ZNF462: variants seen among roughly 807,000 people sequenced by gnomAD.
The protein encoded by ZNF462 is zinc finger protein 462, also known as zinc finger PBX1-interacting protein.
Under a neutral mutation model 201.9 loss-of-function variants are expected in ZNF462, and 10 were observed. The observed-to-expected ratio is 0.05, with a 90% CI of 0.03 to 0.08. ZNF462 has a LOEUF of 0.08. Ranked by LOEUF, ZNF462 falls within the 10% of genes least tolerant of loss-of-function variation. The pLI, the probability that ZNF462 is intolerant of heterozygous loss-of-function variation, is 1.00. For synonymous variants in ZNF462, 1,227 were observed against 1,193.3 expected, an observed-to-expected ratio of 1.03 and a Z score of -0.58; for missense variants, 2,523 against 3,168.3, an observed-to-expected ratio of 0.80 and a Z score of 4.89.
chr9:106,972,000 C>T lies in ZNF462; in HGVS notation c.6428-5C>T, dbSNP rs747840450. 1.3e-5 allele frequency: 21 copies of T among 1,612,104 alleles called. No individual in the cohort carries two copies. Among genetic ancestry groups the T allele is most frequent in the Non-Finnish European group, 1.7e-5 (20 of 1,178,704 alleles). On this transcript the variant is annotated splice_region_variant and splice_polypyrimidine_tract_variant and intron_variant, in intron 7 of 12. Transcript: ENST00000277225. ...CCCCGTGTCATTTTTCCCGTCTCTT[C>T]ACAGACTCATCATATTCAGAGCCCC...
In ZNF462 at chr9:107,005,762, C is replaced by T. The variant is rs1042510039; in HGVS notation, c.7189+2336C>T. On this transcript the variant is annotated intron_variant, in intron 11 of 12. Transcript: ENST00000277225. This position sits in a 1 kb window ranked among gnomAD's most constrained non-coding sequence, Gnocchi z 4.4. ...ATATCCAAAAAATCATTGCCCAGAC[C>T]AATGTCATGGAGCTTTTCCCCTTTG... is the stretch of plus-strand genomic sequence containing the variant. Among the ~76,000 whole-genome samples, 4 of 152,160 alleles carry T rather than the reference C, an allele frequency of 2.6e-5. No individual in the cohort carries two copies. Among genetic ancestry groups the T allele is most frequent in the Non-Finnish European group, 1.5e-5 (1 of 68,022 alleles).
At chr9:106,983,104 GA>G in intron 9 of ZNF462, among the ~76,000 whole-genome samples, 1 of 152,344 alleles carries the variant, frequency 6.6e-6, no homozygotes, top group South Asian at 2.1e-4. Flanking sequence ...AAATAGCACA[GA>G]TTTTAATTTT....
At chr9:106,892,390 A>G (rs1376696038) in intron 1 of ZNF462, among the ~76,000 whole-genome samples, 1 of 152,186 alleles carries the variant, frequency 6.6e-6, no homozygotes, top group Non-Finnish European at 1.5e-5. Context: ...TTTAGGCATC[A>G]TCAAACTTGT....
In ZNF462 at chr9:106,932,653, T is replaced by C; in HGVS notation, c.6116+104T>C. 2.8e-6 allele frequency: 4 copies of C among 1,430,364 alleles called. No homozygotes were observed. In the East Asian group the frequency reaches 7.2e-5, roughly 26 times the overall value. The allele number at this position is 1,430,364 out of a possible 1,614,324, so 88.6% of individuals were successfully genotyped here. ...TGGATGAGTAAGAAGGCCCCACTCATGGTTCACACCTGCTGCTATGTTACC... is the reference window on the plus strand; with the variant it reads ...TGGATGAGTAAGAAGGCCCCACTCACGGTTCACACCTGCTGCTATGTTACC... On this transcript the variant is annotated intron_variant, in intron 5 of 12. Coordinates refer to ENST00000277225, the MANE Select transcript of ZNF462 (RefSeq NM_021224.6). This position sits in a 1 kb window ranked among gnomAD's most constrained non-coding sequence, Gnocchi z 6.8.
chr9:106,938,953 C>T lies in ZNF462; in HGVS notation c.6273C>T (p.Ser2091=). 6.2e-7 allele frequency: 1 copy of T among 1,613,028 alleles called. No homozygotes were observed. Among genetic ancestry groups the T allele is most frequent in the Non-Finnish European group, 8.5e-7 (1 of 1,179,504 alleles). ...ACAAGTGTTCTTGGTGCTCATTCTCCACCATGACAATCAGCCAGCTGAAGG... is the reference window on the plus strand; with the variant it reads ...ACAAGTGTTCTTGGTGCTCATTCTCTACCATGACAATCAGCCAGCTGAAGG... The part of the protein sequence containing the change: ...HAYKCSWCSF[S]TMTISQLKEH... Residue 2091 remains serine (S), a synonymous_variant, in exon 7 of 13, where the codon TCC becomes TCT. Transcript: ENST00000277225. This position sits in a 1 kb window ranked among gnomAD's most constrained non-coding sequence, Gnocchi z 4.4.
At chr9:106,936,274 A>G (rs1484143430) in intron 6 of ZNF462, among the ~76,000 whole-genome samples, 2 of 152,122 alleles carry the variant, frequency 1.3e-5, no homozygotes, top group Admixed American at 6.5e-5. Flanking sequence ...CAGGCTGTGC[A>G]CTAGGCGTGT....
chr9:106,928,133 C>T lies in ZNF462; in HGVS notation c.4221C>T (p.Ile1407=). ...NGDESVLLDI[I]KEKDAVEKPI... ...ATGAGTCAGTGCTACTGGACATCAT[C>T]AAGGAGAAAGATGCTGTGGAGAAGC... Residue 1407 remains isoleucine, a synonymous_variant, in exon 3 of 13, where the codon ATC becomes ATT. Transcript: ENST00000277225. This position sits in a 1 kb window ranked among gnomAD's most constrained non-coding sequence, Gnocchi z 9.3. 1 of 1,614,196 alleles carries T rather than the reference C, an allele frequency of 6.2e-7. No homozygotes were observed. Among genetic ancestry groups the T allele is most frequent in the Non-Finnish European group, 8.5e-7 (1 of 1,180,042 alleles).
chr9:106,879,339 C>A (rs530884249), intron 1 of ZNF462, among the ~76,000 whole-genome samples: 92 of 108,828 alleles, frequency 8.5e-4, no homozygotes, highest in East Asian at 5.7e-3. Flanking sequence ...TCCACCCCCC[C>A]CCCCACCCCC....
At chr9:106,875,211 G>A (rs1358151285) in intron 1 of ZNF462, among the ~76,000 whole-genome samples, 2 of 152,086 alleles carry the variant, frequency 1.3e-5, no homozygotes, top group African/African-American at 4.8e-5. Context: ...TTAGTAGAAA[G>A]GTCGTGGCAA....
rs973043232 is a variant in ZNF462 at position 106,865,067 on chromosome 9, AC to A, written c.-31+1714del. Among the ~76,000 whole-genome samples the A allele has an allele frequency of 9.9e-5, 15 of 152,146 alleles. No individual in the cohort carries two copies. The highest frequency in any genetic ancestry group is 3.4e-4 in the African/African-American group (14 of 41,504). ...ACTCCTTCTCTCTTTCCAGAGGGAA[AC>A]CTTGTGGTGGTTCCTCACTGTCTAT... On this transcript the variant is annotated intron_variant, in intron 1 of 12. Coordinates refer to ENST00000277225, the MANE Select transcript of ZNF462 (RefSeq NM_021224.6). This position sits in a 1 kb window ranked among gnomAD's most constrained non-coding sequence, Gnocchi z 4.1.
At chr9:107,004,259 T>G (rs1276392156) in intron 11 of ZNF462, among the ~76,000 whole-genome samples, 1 of 152,182 alleles carries the variant, frequency 6.6e-6, no homozygotes, top group Non-Finnish European at 1.5e-5. Context: ...AAATCAACAT[T>G]GCAGATATTG....
At chr9:106,874,433 C>T (rs754780457) in intron 1 of ZNF462, among the ~76,000 whole-genome samples, 53 of 152,164 alleles carry the variant, frequency 3.5e-4, no homozygotes, top group Admixed American at 1.0e-3. Context: ...GTCAACATAT[C>T]TTTGTGGATA....
chr9:106,862,309 G>GT (rs1403420123), upstream of ZNF462, among the ~76,000 whole-genome samples: 1 of 152,174 alleles, frequency 6.6e-6, no homozygotes, highest in Non-Finnish European at 1.5e-5. This position sits in a 1 kb window ranked among gnomAD's most constrained non-coding sequence, Gnocchi z 4.2. Flanking sequence ...ATGGATGCAA[G>GT]TAAGGGACCC....
In ZNF462 at chr9:107,004,503, A is replaced by G. The variant is rs182074445; in HGVS notation, c.7189+1077A>G. ...CTGTGAAATAATCACAATCGTAATAATGAGAATAATATCACCTCCCTCCTA... is the reference window on the plus strand; with the variant it reads ...CTGTGAAATAATCACAATCGTAATAGTGAGAATAATATCACCTCCCTCCTA... On this transcript the variant is annotated intron_variant, in intron 11 of 12. Coordinates refer to ENST00000277225, the MANE Select transcript of ZNF462 (RefSeq NM_021224.6). Among the ~76,000 whole-genome samples, 236 of 152,284 alleles carry G rather than the reference A, an allele frequency of 1.5e-3. 2 individuals carry two copies. Among genetic ancestry groups the G allele is most frequent in the African/African-American group, 5.5e-3 (227 of 41,576 alleles).
chr9:106,951,997 A>G (rs1831373241), intron 7 of ZNF462, among the ~76,000 whole-genome samples: 2 of 152,082 alleles, frequency 1.3e-5, no homozygotes, highest in Admixed American at 1.3e-4. Flanking sequence ...AGTGAACATT[A>G]GGGGCAAATG....
At chr9:106,866,253 G>C (rs1176822443) in intron 1 of ZNF462, among the ~76,000 whole-genome samples, 1 of 152,174 alleles carries the variant, frequency 6.6e-6, no homozygotes, top group African/African-American at 2.4e-5. Context: ...AGATTTTTTT[G>C]TGTAAAGTTC....
rs1206679484 is a variant in ZNF462, at chr9:107,012,347, C to T, written c.*1317C>T. On this transcript the variant is annotated 3_prime_UTR_variant, in exon 13 of 13. Coordinates refer to ENST00000277225, the MANE Select transcript of ZNF462 (RefSeq NM_021224.6). Reference sequence around the variant, plus strand: ...TGGGGGTTTTCATTTATTTAGGGGACGAGGGGATGTACTAGAATCCCATCC... The same window carrying T: ...TGGGGGTTTTCATTTATTTAGGGGATGAGGGGATGTACTAGAATCCCATCC... 2.2e-5 allele frequency: 3 copies of T among 139,252 alleles called. No homozygotes were observed. Among genetic ancestry groups the T allele is most frequent in the South Asian group, 2.1e-4 (1 of 4,668 alleles). The allele number at this position is 139,252 out of a possible 1,614,324, so 8.6% of individuals were successfully genotyped here.
chr9:106,940,961 C>T (rs1830844141), intron 7 of ZNF462, among the ~76,000 whole-genome samples: 1 of 152,200 alleles, frequency 6.6e-6, no homozygotes, highest in Non-Finnish European at 1.5e-5. Flanking sequence ...TTGTTTTCAT[C>T]TGACATGGAA....
rs372268467 is a variant in ZNF462, at chr9:106,958,075, A to G, written c.6428-13930A>G. Among the ~76,000 whole-genome samples, 4 of 152,280 alleles carry G rather than the reference A, an allele frequency of 2.6e-5. No individual in the cohort carries two copies. The East Asian group carries it at 7.7e-4, about 29-fold the overall frequency. On this transcript the variant is annotated intron_variant, in intron 7 of 12. Transcript: ENST00000277225. Reference sequence around the variant, plus strand: ...GCTAGTAAAATCCCGAGAAGAAAAGATGGTGTTTTCTACTTAACAAAACAA... The same window carrying G: ...GCTAGTAAAATCCCGAGAAGAAAAGGTGGTGTTTTCTACTTAACAAAACAA...
Sources: gnomAD v4.1 joint callset for allele counts (sites outside exome capture counted in the v4.1 genomes callset) on GRCh38, gnomAD v4.1.1 for gene constraint, Gnocchi (gnomAD v3.1) non-coding constraint, MANE v1.5 for transcripts, NCBI Gene and HGNC (gene_info 2026-07-23, HGNC 2026-07-21) for gene names.